SYT1: variants seen among roughly 807,000 people sequenced by gnomAD.
SYT1 encodes synaptotagmin 1.
In SYT1, 8 loss-of-function variants were observed where a neutral mutation model predicts 44.8. The ratio of observed to expected loss-of-function variants is 0.18; its 90% CI spans 0.10 to 0.32. SYT1 has a LOEUF of 0.32. Ranked by LOEUF, SYT1 falls within the 10% of genes least tolerant of loss-of-function variation. The pLI is 1.00. For missense variants in SYT1, 286 were observed against 509.3 expected (o/e 0.56, Z 4.22); for synonymous variants, 154 against 188.8 (o/e 0.82, Z 1.51).
intron 3 of SYT1, among the ~76,000 whole-genome samples, chr12:79,130,501 A>G (rs1868742634): frequency 6.6e-6 from 1 of 152,214 alleles, no homozygotes. Flanking sequence ...CCTTGATTCC[A>G]GATAATATAT....
intron 8 of SYT1, among the ~76,000 whole-genome samples, chr12:79,319,433 T>C (rs1343200370): frequency 6.6e-6 from 1 of 152,194 alleles, no homozygotes; most frequent in Non-Finnish European, 1.5e-5. Flanking sequence ...ATGGAAGGGC[T>C]GAGATTCAGA....
chr12:79,279,059 G>A (rs1352589286), intron 4 of SYT1, among the ~76,000 whole-genome samples: 1 of 146,950 alleles, frequency 6.8e-6, no homozygotes, highest in Non-Finnish European at 1.5e-5. Context: ...AGAACTAGAT[G>A]AATTCATAGC....
intron 4 of SYT1, among the ~76,000 whole-genome samples, chr12:79,267,527 A>G (rs577905660): frequency 7.2e-5 from 11 of 152,322 alleles, no homozygotes; most frequent in African/African-American, 2.6e-4. Context: ...AAGAAAAAAA[A>G]GACTAAGAGG....
intron 9 of SYT1, chr12:79,392,111 T>C (rs572133317): frequency 2.6e-5 from 4 of 152,334 alleles, no homozygotes; most frequent in African/African-American, 9.6e-5. Context: ...AGGAAGAGTT[T>C]AGATATGGTT....
intron 3 of SYT1, among the ~76,000 whole-genome samples, chr12:79,084,261 T>C (rs1877230843): frequency 6.6e-6 from 1 of 152,170 alleles, no homozygotes; most frequent in African/African-American, 2.4e-5. Context: ...TAAATGTTGA[T>C]GGACACATAG....
chr12:78,959,236 A>G (rs1879377234), intron 1 of SYT1, among the ~76,000 whole-genome samples: 1 of 152,308 alleles, frequency 6.6e-6, no homozygotes, highest in African/African-American at 2.4e-5. Context: ...CGTAATTTAT[A>G]TATGCATGCT....
Position 79,027,357 on chromosome 12 carries a change from T to C in SYT1, c.-83-19940T>C, listed in dbSNP as rs941928876. On this transcript the variant is annotated intron_variant, in intron 2 of 10. Transcript: ENST00000261205. ...CCATTATTACTACCAAGAGTTATAT[T>C]GATTCACTTTCTCAATGAGTCCATG... 4.0e-5 allele frequency among the ~76,000 whole-genome samples: 6 copies of C among 151,704 alleles called. No individual in the cohort carries two copies. The East Asian group carries it at 1.2e-3, about 30-fold the overall frequency.
At chr12:79,335,023 A>G (rs1393384520) in intron 8 of SYT1, among the ~76,000 whole-genome samples, 2 of 152,118 alleles carry the variant, frequency 1.3e-5, no homozygotes, top group Non-Finnish European at 2.9e-5. Flanking sequence ...ACTCCAGGTG[A>G]CATTCTTCCC....
At chr12:79,431,540 A>ATTTT (rs1246423178) in intron 9 of SYT1, among the ~76,000 whole-genome samples, 3 of 148,200 alleles carry the variant, frequency 2.0e-5, no homozygotes, top group African/African-American at 5.0e-5. Context: ...TTATTTATTT[A>ATTTT]TTTATTTATT....
Position 79,064,941 on chromosome 12 carries a change from AAAG to A in SYT1, c.-18+17582_-18+17584del, listed in dbSNP as rs1875678845. On this transcript the variant is annotated intron_variant, in intron 3 of 10. Transcript: ENST00000261205. ...AAAAAATAGAGAGAAAGAAAGAAAG[AAAG>A]AAAGAAAGAAAGAAAGAAAGAAAGA... 1.3e-4 allele frequency among the ~76,000 whole-genome samples: 16 copies of A among 123,750 alleles called. No individual in the cohort carries two copies. The East Asian group carries it at 3.5e-3, about 27-fold the overall frequency. 81.2% of individuals were successfully genotyped at this position (123,750 alleles called of 152,430 possible).
intron 4 of SYT1, among the ~76,000 whole-genome samples, chr12:79,228,372 T>C (rs950734205): frequency 1.3e-5 from 2 of 152,178 alleles, no homozygotes; most frequent in Non-Finnish European, 2.9e-5. Flanking sequence ...AAATTGTTTT[T>C]ACTAAAGTCC....
intron 4 of SYT1, among the ~76,000 whole-genome samples, chr12:79,237,557 A>G (rs764721186): frequency 6.6e-6 from 1 of 152,226 alleles, no homozygotes; most frequent in African/African-American, 2.4e-5. Flanking sequence ...TTTCCATGTG[A>G]AAGAATGTTT....
chr12:79,329,069 C>G (rs567729033), intron 8 of SYT1, among the ~76,000 whole-genome samples: 2 of 152,258 alleles, frequency 1.3e-5, no homozygotes, highest in South Asian at 4.1e-4. Context: ...ATCATCCGCT[C>G]TTTATTGTGC....
At chr12:79,079,078 G>A (rs1004191708) in intron 3 of SYT1, among the ~76,000 whole-genome samples, 13 of 152,126 alleles carry the variant, frequency 8.5e-5, no homozygotes, top group Non-Finnish European at 1.8e-4. Flanking sequence ...TATGTTTAGC[G>A]CTTGTGATGT....
intron 4 of SYT1, among the ~76,000 whole-genome samples, chr12:79,248,800 T>A (rs780386664): frequency 7.9e-5 from 12 of 152,336 alleles, no homozygotes; most frequent in East Asian, 7.7e-4. Context: ...GACATTCTAA[T>A]TGAGAGTTAG....
chr12:79,196,612 C>CCT (rs1192071539), intron 3 of SYT1, among the ~76,000 whole-genome samples: 2 of 152,090 alleles, frequency 1.3e-5, no homozygotes, highest in Non-Finnish European at 1.5e-5. Flanking sequence ...GAAATGTGTC[C>CCT]CTTTAACCTT....
intron 8 of SYT1, among the ~76,000 whole-genome samples, chr12:79,302,831 T>C (rs895666782): frequency 2.6e-5 from 4 of 152,200 alleles, no homozygotes; most frequent in Non-Finnish European, 5.9e-5. Context: ...GAATTTGACC[T>C]TGGAGACAGG....
intron 3 of SYT1, among the ~76,000 whole-genome samples, chr12:79,131,981 T>C (rs188947623): frequency 6.6e-6 from 1 of 152,348 alleles, no homozygotes; most frequent in African/African-American, 2.4e-5. Flanking sequence ...GGATCACGTT[T>C]TGTTTCTTTT....
rs199817134 is a variant in SYT1 at position 78,961,114 on chromosome 12, AT to A, written c.-216-16675del. Among the ~76,000 whole-genome samples, 380 of 149,470 alleles carry A rather than the reference AT, an allele frequency of 2.5e-3. 5 individuals carry two copies. Among genetic ancestry groups the A allele is most frequent in the African/African-American group, 8.6e-3 (351 of 40,710 alleles). On this transcript the variant is annotated intron_variant, in intron 1 of 10. Transcript: ENST00000261205. ...CTTCAAGCTTTATTTTTTTTAAGAA[AT>A]TTTTTTTTTAGAAAAAGTTTCTCAC...
Sources: allele counts gnomAD v4.1 joint callset (sites outside exome capture counted in the v4.1 genomes callset), GRCh38; gene constraint gnomAD v4.1.1; transcripts MANE v1.5; gene names NCBI Gene and HGNC (gene_info 2026-07-23, HGNC 2026-07-21).